RBPJ: variants seen among roughly 807,000 people sequenced by gnomAD.
RBPJ encodes recombination signal binding protein for immunoglobulin kappa J region.
RBPJ carries 9 observed loss-of-function variants against 67.8 expected under a neutral mutation model. The ratio of observed to expected loss-of-function variants is 0.13; its 90% confidence interval spans 0.08 to 0.23. RBPJ has a LOEUF of 0.23. Ranked by LOEUF, RBPJ falls within the 10% of genes least tolerant of loss-of-function variation. RBPJ has a pLI of 1.00. For synonymous variants in RBPJ, 198 were observed against 203.3 expected, an observed-to-expected ratio of 0.97 and a Z score of 0.22; for missense variants, 305 against 595.6, an observed-to-expected ratio of 0.51 and a Z score of 5.08.
chr4:26,294,604 G>T (rs1000028229), intron 1 of RBPJ, among the ~76,000 whole-genome samples: 2 of 152,084 alleles, frequency 1.3e-5, no homozygotes, highest in African/African-American at 4.8e-5. Context: ...TGTAGGCTGG[G>T]TGCAATGGCT....
chr4:26,215,211 A>G (rs185703366), intron 1 of RBPJ, among the ~76,000 whole-genome samples: 2,012 of 17,068 alleles, frequency 0.12, 279 homozygotes, highest in African/African-American at 0.31. Flanking sequence ...AGAGAGAAAG[A>G]AAGAGAAAAA....
chr4:26,270,437 GA>G (rs757127437), intron 1 of RBPJ, among the ~76,000 whole-genome samples: 2 of 30,198 alleles, frequency 6.6e-5, no homozygotes, highest in African/African-American at 1.4e-4. Context: ...AAGAAAGAAA[GA>G]AGAAAGAAAG....
intron 1 of RBPJ, among the ~76,000 whole-genome samples, chr4:26,294,625 A>G (rs893777926): frequency 3.3e-5 from 5 of 152,174 alleles, no homozygotes; most frequent in Middle Eastern, 3.4e-3. Flanking sequence ...CATGCCTGTA[A>G]TCTCAGCATT....
intron 1 of RBPJ, among the ~76,000 whole-genome samples, chr4:26,258,522 C>G (rs1720419965): frequency 6.6e-6 from 1 of 152,198 alleles, no homozygotes; most frequent in African/African-American, 2.4e-5. Flanking sequence ...GGGAACACCT[C>G]TGGGTTCATT....
At chr4:26,214,602 C>A (rs1159677151) in intron 1 of RBPJ, among the ~76,000 whole-genome samples, 19 of 93,028 alleles carry the variant, frequency 2.0e-4, no homozygotes, top group South Asian at 6.9e-4. Context: ...AGGGAGGAAA[C>A]AGAGAGAGAA....
At chr4:26,416,543 A>G (rs1161765400) in intron 4 of RBPJ, among the ~76,000 whole-genome samples, 1 of 152,156 alleles carries the variant, frequency 6.6e-6, no homozygotes, top group African/African-American at 2.4e-5. Context: ...CTATACTTTT[A>G]GTATTGAAAG....
At chr4:26,210,812 C>CTTTTT (rs1577475989) in intron 1 of RBPJ, among the ~76,000 whole-genome samples, 1 of 42,516 alleles carries the variant, frequency 2.4e-5, no homozygotes, top group African/African-American at 1.0e-4. Flanking sequence ...TCTTTCTTTT[C>CTTTTT]TCCTGTGTGT....
At chr4:26,169,956 G>A (rs1255161352) in intron 1 of RBPJ, among the ~76,000 whole-genome samples, 4 of 152,128 alleles carry the variant, frequency 2.6e-5, no homozygotes, top group Admixed American at 6.5e-5. Flanking sequence ...GGTGTGGCCC[G>A]ATTTTCCAGG....
chr4:26,306,689 T>C (rs1314198328), intron 1 of RBPJ, among the ~76,000 whole-genome samples: 1 of 151,754 alleles, frequency 6.6e-6, no homozygotes, highest in Non-Finnish European at 1.5e-5. Flanking sequence ...AACCTCCTGA[T>C]CCACCCGCTT....
chr4:26,127,926 T>C, the RBPJ span, among the ~76,000 whole-genome samples: 2 of 152,206 alleles, frequency 1.3e-5, no homozygotes, highest in African/African-American at 2.4e-5. Context: ...CATTGATTCA[T>C]CTGGGGCACT....
At chr4:26,306,710 A>C (rs1049678997) in intron 1 of RBPJ, among the ~76,000 whole-genome samples, 1 of 151,768 alleles carries the variant, frequency 6.6e-6, no homozygotes, top group African/African-American at 2.4e-5. Flanking sequence ...CAGCCTCCCA[A>C]AGTGCTGGGA....
intron 1 of RBPJ, among the ~76,000 whole-genome samples, chr4:26,323,414 G>A (rs1363388244): frequency 1.3e-5 from 2 of 152,094 alleles, no homozygotes; most frequent in Admixed American, 1.3e-4. Context: ...TTTCTAAATC[G>A]TGTAATACTT....
chr4:26,184,837 T>A (rs969772521), intron 1 of RBPJ, among the ~76,000 whole-genome samples: 142 of 152,290 alleles, frequency 9.3e-4, no homozygotes, highest in African/African-American at 3.3e-3. Context: ...AATGAAGAAC[T>A]TTTTTTGAAG....
intron 1 of RBPJ, among the ~76,000 whole-genome samples, chr4:26,208,886 A>T (rs1185039124): frequency 3.3e-5 from 5 of 152,142 alleles, no homozygotes; most frequent in Non-Finnish European, 7.4e-5. Context: ...GCCCTAACCT[A>T]GGGTGGCAGG....
Position 26,430,967 on chromosome 4 carries a change from C to T in RBPJ, c.1424C>T (p.Ser475Leu). ...EGSYTNASTN[S>L]TSVTSSTATV... ...AGTTACACAAACGCCAGCACAAATT[C>T]AACCAGTGTCACATCATCTACAGCC... Residue 475 changes from serine to leucine, a missense_variant, in exon 11 of 11, where the codon TCA becomes TTA. This residue lies in a region of RBPJ where 51 missense variants were observed against 52.8 expected (regional missense o/e 0.97). Coordinates refer to ENST00000355476, the MANE Select transcript of RBPJ (RefSeq NM_015874.6). The surrounding 1 kb of genome is among the most constrained non-coding windows in gnomAD (Gnocchi z 4.1). 6.2e-7 allele frequency: 1 copy of T among 1,613,958 alleles called. No homozygotes were observed. Among genetic ancestry groups the T allele is most frequent in the Non-Finnish European group, 8.5e-7 (1 of 1,179,976 alleles).
intron 1 of RBPJ, among the ~76,000 whole-genome samples, chr4:26,328,588 T>A (rs567327945): frequency 6.6e-6 from 1 of 152,350 alleles, no homozygotes; most frequent in African/African-American, 2.4e-5. Flanking sequence ...GGGAGCCTCT[T>A]GGAAGACCTT....
At chr4:26,214,974 GGGAAGGAA>G (rs1560214225) in intron 1 of RBPJ, among the ~76,000 whole-genome samples, 1 of 17,272 alleles carries the variant, frequency 5.8e-5, no homozygotes, top group African/African-American at 3.5e-4. Flanking sequence ...GAGGGAGGGA[GGGAAGGAA>G]GGAGGGAGGG....
intron 2 of RBPJ, among the ~76,000 whole-genome samples, chr4:26,399,152 T>TA (rs1478389405): frequency 2.0e-5 from 3 of 152,182 alleles, no homozygotes; most frequent in African/African-American, 7.2e-5. Flanking sequence ...CAGCATGACT[T>TA]ACGTTCATTG....
At chr4:26,401,580 T>G (rs1732805530) in intron 2 of RBPJ, among the ~76,000 whole-genome samples, 1 of 152,220 alleles carries the variant, frequency 6.6e-6, no homozygotes, top group Admixed American at 6.5e-5. Context: ...GTGTCCTGTT[T>G]TACCCGAGTT....
Sources: allele counts gnomAD v4.1 joint callset (sites outside exome capture counted in the v4.1 genomes callset), GRCh38; gene constraint gnomAD v4.1.1; regional missense constraint gnomAD v4.1.1; non-coding constraint Gnocchi (gnomAD v3.1); transcripts MANE v1.5; gene names NCBI Gene and HGNC (gene_info 2026-07-23, HGNC 2026-07-21).